CLNK: variants seen among roughly 807,000 people sequenced by gnomAD.
CLNK encodes the protein cytokine dependent hematopoietic cell linker.
In CLNK, 74 loss-of-function variants were observed where a neutral mutation model predicts 68.6. The observed-to-expected ratio is 1.08, with a 90% CI of 0.89 to 1.31. CLNK has a LOEUF of 1.31. CLNK is among the 50% of genes most tolerant of loss of function. The pLI is 0.00. For synonymous variants in CLNK, 198 were observed against 172.2 expected (o/e 1.15, Z -1.17); for missense variants, 553 against 515.3 (o/e 1.07, Z -0.71).
At chr4:10,666,434 C>T (rs1186161288) in intron 2 of CLNK, among the ~76,000 whole-genome samples, 1 of 152,206 alleles carries the variant, frequency 6.6e-6, no homozygotes, top group Non-Finnish European at 1.5e-5. Flanking sequence ...CACAGGTTAA[C>T]CAGCTCACCT....
chr4:10,582,067 T>A (rs939525525), intron 4 of CLNK, among the ~76,000 whole-genome samples: 1 of 152,246 alleles, frequency 6.6e-6, no homozygotes, highest in Non-Finnish European at 1.5e-5. Context: ...TGTAATTGAA[T>A]TTTGAAGACA....
chr4:10,599,358 C>T (rs967758833), intron 2 of CLNK, among the ~76,000 whole-genome samples: 3 of 152,108 alleles, frequency 2.0e-5, no homozygotes, highest in South Asian at 2.1e-4. Context: ...TAAAAATCTG[C>T]GAGTTGTTTG....
intron 2 of CLNK, among the ~76,000 whole-genome samples, chr4:10,654,891 A>G (rs1375512838): frequency 6.6e-6 from 1 of 152,098 alleles, no homozygotes; most frequent in Non-Finnish European, 1.5e-5. Flanking sequence ...TCACTAGGTC[A>G]GGAGATCGAG....
In CLNK at chr4:10,571,764, T is replaced by C; in HGVS notation, c.127A>G (p.Met43Val). The C allele has an allele frequency of 6.2e-7, 1 of 1,613,070 alleles. No individual in the cohort carries two copies. Among genetic ancestry groups the C allele is most frequent in the Non-Finnish European group, 8.5e-7 (1 of 1,179,168 alleles). Residue 43 changes from methionine (M) to valine (V), a missense_variant, in exon 5 of 19, where the codon ATG becomes GTG. Physicochemically the swap from Met to Val is conservative, Grantham distance 21. Coordinates refer to ENST00000226951, the MANE Select transcript of CLNK (RefSeq NM_052964.4). ...INSATGQYQR[M>V]NKPLLDWERN... ...ACCCAGTCTAGAAGAGGCTTGTTCA[T>C]CCTCTGGTACTGGCCTGCCAACACA...
At chr4:10,632,612 C>G (rs533314009) in intron 2 of CLNK, among the ~76,000 whole-genome samples, 5 of 152,352 alleles carry the variant, frequency 3.3e-5, no homozygotes, top group Admixed American at 6.5e-5. Context: ...CTGACATTCA[C>G]TTCAGCTCAT....
the CLNK span, among the ~76,000 whole-genome samples, chr4:10,707,582 C>T: frequency 6.6e-6 from 1 of 152,124 alleles, no homozygotes; most frequent in Non-Finnish European, 1.5e-5. Flanking sequence ...TTCCTGTAAC[C>T]CTAAAATGTA....
chr4:10,718,134 G>C, the CLNK span, among the ~76,000 whole-genome samples: 1 of 152,290 alleles, frequency 6.6e-6, no homozygotes, highest in Non-Finnish European at 1.5e-5. Flanking sequence ...GAACGGAAGA[G>C]TCAGAGTAAA....
intron 14 of CLNK, among the ~76,000 whole-genome samples, chr4:10,522,778 G>A (rs1336830643): frequency 2.0e-5 from 3 of 152,164 alleles, no homozygotes; most frequent in African/African-American, 4.8e-5. Flanking sequence ...TATGGTAAAG[G>A]TGTGCACAGC....
intron 4 of CLNK, among the ~76,000 whole-genome samples, chr4:10,584,530 A>C (rs960153047): frequency 1.3e-5 from 2 of 152,190 alleles, no homozygotes; most frequent in African/African-American, 4.8e-5. Flanking sequence ...TGGCTTTTGA[A>C]CCATTCATTC....
chr4:10,545,498 T>C (rs1719190887), intron 8 of CLNK, among the ~76,000 whole-genome samples: 1 of 152,096 alleles, frequency 6.6e-6, no homozygotes, highest in Non-Finnish European at 1.5e-5. Context: ...TGGTTGTGCT[T>C]AGTCCACCCA....
intron 7 of CLNK, among the ~76,000 whole-genome samples, chr4:10,564,097 A>AT (rs1172473098): frequency 2.1e-5 from 3 of 141,582 alleles, no homozygotes; most frequent in Non-Finnish European, 4.6e-5. Context: ...CATTTACTAG[A>AT]TTTTTTCTTT....
At chr4:10,688,506 C>G (rs1244697762), upstream of CLNK, among the ~76,000 whole-genome samples, 1 of 152,058 alleles carries the variant, frequency 6.6e-6, no homozygotes, top group Non-Finnish European at 1.5e-5. Flanking sequence ...TGCTGGGAGG[C>G]TAATTTGCAA....
the CLNK span, among the ~76,000 whole-genome samples, chr4:10,703,227 AC>A: frequency 6.6e-6 from 1 of 152,176 alleles, no homozygotes; most frequent in East Asian, 1.9e-4. Context: ...GGCTAACTAC[AC>A]TAACGTAGTT....
At chr4:10,702,490 G>A in the CLNK span, among the ~76,000 whole-genome samples, 1 of 152,196 alleles carries the variant, frequency 6.6e-6, no homozygotes, top group South Asian at 2.1e-4. Flanking sequence ...AATGATGCAT[G>A]CACATCACAG....
rs1384656467 is a variant in CLNK at position 10,489,489 on chromosome 4, C to T, written c.*978G>A. On this transcript the variant is annotated 3_prime_UTR_variant, in exon 19 of 19. Coordinates refer to ENST00000226951, the MANE Select transcript of CLNK (RefSeq NM_052964.4). ...GTTAATTCCATTTGACTTAAAGCTA[C>T]TTGAAGCAGATGATGCTGGAGGCTG... The T allele has an allele frequency of 5.3e-5, 8 of 152,152 alleles. No individual in the cohort carries two copies. The highest frequency in any genetic ancestry group is 1.9e-4 in the African/African-American group (8 of 41,434). The allele number at this position is 152,152 out of a possible 1,614,324, so 9.4% of individuals were successfully genotyped here. A position where few individuals can be genotyped will look rare whatever the true frequency, so the allele number is the denominator to read the frequency against.
chr4:10,627,331 C>T (rs1722713940), intron 2 of CLNK, among the ~76,000 whole-genome samples: 1 of 152,168 alleles, frequency 6.6e-6, no homozygotes, highest in South Asian at 2.1e-4. Context: ...GACTTTAGAG[C>T]CTCAACAAAA....
the CLNK span, among the ~76,000 whole-genome samples, chr4:10,720,832 G>A: frequency 2.8e-3 from 430 of 151,332 alleles, 1 homozygote; most frequent in African/African-American, 9.8e-3. Flanking sequence ...GCACTCCTGG[G>A]CATTTATCCC....
At chr4:10,626,347 T>A (rs1722674796) in intron 2 of CLNK, among the ~76,000 whole-genome samples, 1 of 152,238 alleles carries the variant, frequency 6.6e-6, no homozygotes, top group Non-Finnish European at 1.5e-5. Flanking sequence ...TTCTCTTGCT[T>A]CTTTTTATTT....
At chr4:10,496,147 C>T (rs1264744257) in intron 18 of CLNK, among the ~76,000 whole-genome samples, 1 of 152,178 alleles carries the variant, frequency 6.6e-6, no homozygotes, top group African/African-American at 2.4e-5. Flanking sequence ...AAATAACTCC[C>T]AAGAGTTAGG....
Sources: allele counts gnomAD v4.1 joint callset (sites outside exome capture counted in the v4.1 genomes callset), GRCh38; gene constraint gnomAD v4.1.1; transcripts MANE v1.5; gene names NCBI Gene and HGNC (gene_info 2026-07-23, HGNC 2026-07-21).